DOK6: variants seen among roughly 807,000 people sequenced by gnomAD.
DOK6 encodes the protein docking protein 6, also known as downstream of tyrosine kinase 6.
Under a neutral mutation model 44.0 loss-of-function variants are expected in DOK6, and 22 were observed. The ratio of observed to expected loss-of-function variants is 0.50; its 90% CI spans 0.36 to 0.71. The LOEUF (loss-of-function observed/expected upper bound fraction) is 0.71, where lower values mean the gene tolerates loss of function less well. DOK6 is among the 30% of genes least tolerant of loss of function. The pLI, the probability that DOK6 is intolerant of heterozygous loss-of-function variation, is 0.00. For synonymous variants in DOK6, 166 were observed against 145.5 expected, an observed-to-expected ratio of 1.14 and a Z score of -1.01; for missense variants, 340 against 416.4, an observed-to-expected ratio of 0.82 and a Z score of 1.60.
chr18:69,549,077 A>C (rs185633826), intron 1 of DOK6, among the ~76,000 whole-genome samples: 2 of 145,360 alleles, frequency 1.4e-5, no homozygotes, highest in Non-Finnish European at 3.1e-5. Flanking sequence ...GCCTGGGTGA[A>C]AGAGTGAGAC....
chr18:69,630,158 G>C (rs1014082459), intron 3 of DOK6, among the ~76,000 whole-genome samples: 6 of 151,986 alleles, frequency 3.9e-5, no homozygotes, highest in Admixed American at 3.3e-4. Context: ...AAACCTATTA[G>C]GTTATATAAG....
intron 1 of DOK6, among the ~76,000 whole-genome samples, chr18:69,444,630 AAT>A (rs1461424662): frequency 1.4e-5 from 2 of 145,446 alleles, no homozygotes; most frequent in Admixed American, 1.5e-4. Context: ...AAGTTAACAT[AAT>A]ATAAAATCAA....
At chr18:69,749,004 A>G (rs887356939) in intron 6 of DOK6, among the ~76,000 whole-genome samples, 3 of 152,214 alleles carry the variant, frequency 2.0e-5, no homozygotes, top group Non-Finnish European at 4.4e-5. Context: ...TGTCCTTTTC[A>G]TGGACATGGA....
chr18:69,495,106 C>A (rs1304285755), intron 1 of DOK6, among the ~76,000 whole-genome samples: 3 of 152,254 alleles, frequency 2.0e-5, no homozygotes, highest in Non-Finnish European at 2.9e-5. Flanking sequence ...CTGCTCTCTG[C>A]AAGGCTGTGG....
chr18:69,525,564 C>G (rs2144568173), intron 1 of DOK6, among the ~76,000 whole-genome samples: 2 of 152,114 alleles, frequency 1.3e-5, no homozygotes, highest in East Asian at 3.9e-4. Context: ...ATCTTTAGTA[C>G]ACTTGCCTTG....
chr18:69,548,348 T>C (rs1040800753), intron 1 of DOK6, among the ~76,000 whole-genome samples: 3 of 151,608 alleles, frequency 2.0e-5, no homozygotes, highest in Admixed American at 2.0e-4. Flanking sequence ...TTTTTATAGT[T>C]GACTTGTCTT....
At chr18:69,664,757 T>C (rs1448323115) in intron 3 of DOK6, among the ~76,000 whole-genome samples, 2 of 152,244 alleles carry the variant, frequency 1.3e-5, no homozygotes, top group East Asian at 1.9e-4. Context: ...GGCACCTGCA[T>C]CCAAAGAGGA....
At chr18:69,713,293 G>A (rs1407033565) in intron 5 of DOK6, among the ~76,000 whole-genome samples, 2 of 152,202 alleles carry the variant, frequency 1.3e-5, no homozygotes, top group Non-Finnish European at 2.9e-5. Context: ...GGGAAGAAAA[G>A]ATTTAGAAGT....
intron 4 of DOK6, among the ~76,000 whole-genome samples, chr18:69,688,581 G>C (rs991072079): frequency 2.0e-5 from 3 of 152,164 alleles, no homozygotes; most frequent in African/African-American, 7.2e-5. Flanking sequence ...GGAGTGCAGT[G>C]GTGCAATCTC....
rs186547120 is a variant in DOK6 at position 69,612,423 on chromosome 18, G to A, written c.289+12925G>A. Reference sequence around the variant, plus strand: ...TTTGTGTGCGAGGGCGCATGTGTGCGAGGGCGCATGTGTGCGAGGGCGCAT... The same window carrying A: ...TTTGTGTGCGAGGGCGCATGTGTGCAAGGGCGCATGTGTGCGAGGGCGCAT... On this transcript the variant is annotated intron_variant, in intron 3 of 7. Coordinates refer to ENST00000382713, the MANE Select transcript of DOK6 (RefSeq NM_152721.6). 1.8e-3 allele frequency among the ~76,000 whole-genome samples: 266 copies of A among 150,806 alleles called. 1 individual carries two copies. Among genetic ancestry groups the A allele is most frequent in the African/African-American group, 5.7e-3 (235 of 41,350 alleles).
At chr18:69,641,076 C>T (rs1035343957) in intron 3 of DOK6, among the ~76,000 whole-genome samples, 10 of 151,860 alleles carry the variant, frequency 6.6e-5, no homozygotes, top group African/African-American at 1.2e-4. Context: ...ATTAGCTGAG[C>T]GTGGTGACAC....
intron 2 of DOK6, among the ~76,000 whole-genome samples, chr18:69,584,107 C>CAAAA (rs370695841): frequency 4.4e-5 from 4 of 91,306 alleles, no homozygotes; most frequent in African/African-American, 1.1e-4. Context: ...GACTCCGTCT[C>CAAAA]AAAAAAAAAA....
At chr18:69,820,267 T>A (rs1026955775) in intron 7 of DOK6, among the ~76,000 whole-genome samples, 1 of 152,212 alleles carries the variant, frequency 6.6e-6, no homozygotes, top group Non-Finnish European at 1.5e-5. Context: ...CAATCACAAA[T>A]ACTTTAATGA....
chr18:69,472,195 T>G (rs189797419), intron 1 of DOK6, among the ~76,000 whole-genome samples: 3 of 152,352 alleles, frequency 2.0e-5, no homozygotes, highest in Admixed American at 2.0e-4. Context: ...TTAAAATACC[T>G]GTTTCACTTG....
intron 3 of DOK6, among the ~76,000 whole-genome samples, chr18:69,642,784 G>A (rs1984976079): frequency 6.6e-6 from 1 of 152,084 alleles, no homozygotes; most frequent in African/African-American, 2.4e-5. Flanking sequence ...CCCCTTATGG[G>A]CAATGATAGT....
chr18:69,473,892 T>A (rs1980186634), intron 1 of DOK6, among the ~76,000 whole-genome samples: 1 of 152,146 alleles, frequency 6.6e-6, no homozygotes, highest in African/African-American at 2.4e-5. Context: ...TAGCTTCCTA[T>A]CCACCCTATC....
chr18:69,475,429 A>G (rs1399909398), intron 1 of DOK6, among the ~76,000 whole-genome samples: 2 of 152,246 alleles, frequency 1.3e-5, no homozygotes, highest in African/African-American at 4.8e-5. Context: ...AAGAAATTTG[A>G]CATTAGAAGT....
At chr18:69,511,044 A>T (rs1407646691) in intron 1 of DOK6, among the ~76,000 whole-genome samples, 2 of 152,190 alleles carry the variant, frequency 1.3e-5, no homozygotes, top group Non-Finnish European at 2.9e-5. Flanking sequence ...TTGTTAACAG[A>T]AGCAATGAAT....
chr18:69,446,180 A>G (rs900827533), intron 1 of DOK6, among the ~76,000 whole-genome samples: 15 of 147,878 alleles, frequency 1.0e-4, no homozygotes, highest in Admixed American at 8.7e-4. Context: ...TACATTAGGT[A>G]TATCTCCTAA....
Sources: allele counts gnomAD v4.1 joint callset (sites outside exome capture counted in the v4.1 genomes callset), GRCh38; gene constraint gnomAD v4.1.1; transcripts MANE v1.5; gene names NCBI Gene and HGNC (gene_info 2026-07-23, HGNC 2026-07-21).